EYS: variants seen among roughly 807,000 people sequenced by gnomAD.
The protein encoded by EYS is protein eyes shut homolog.
In EYS, 250 loss-of-function variants were observed where a neutral mutation model predicts 282.1. That is an observed-to-expected ratio of 0.89 (90% CI 0.80 to 0.98). The LOEUF (loss-of-function observed/expected upper bound fraction) is 0.98, where lower values mean the gene tolerates loss of function less well. Ranked by LOEUF, EYS falls within the 50% of genes least tolerant of loss-of-function variation. The pLI, the probability that EYS is intolerant of heterozygous loss-of-function variation, is 0.00. For missense variants in EYS, 4,016 were observed against 3,709.0 expected (o/e 1.08, Z -2.15); for synonymous variants, 1,355 against 1,282.9 (o/e 1.06, Z -1.20).
intron 12 of EYS, among the ~76,000 whole-genome samples, chr6:65,120,611 G>T (rs748125639): frequency 2.6e-4 from 40 of 152,116 alleles, no homozygotes; most frequent in African/African-American, 6.3e-4. Flanking sequence ...GAATAGACAA[G>T]ATTCTGCACT....
intron 5 of EYS, among the ~76,000 whole-genome samples, chr6:65,434,322 ATT>A (rs369477528): frequency 4.1e-5 from 6 of 144,592 alleles, no homozygotes; most frequent in Admixed American, 6.9e-5. Context: ...GGTTTGCATA[ATT>A]TTTTTTTTTT....
intron 35 of EYS, among the ~76,000 whole-genome samples, chr6:63,968,577 G>A (rs1050380085): frequency 9.9e-5 from 15 of 152,180 alleles, no homozygotes; most frequent in Non-Finnish European, 1.9e-4. Context: ...TCATACCTAT[G>A]TGGTACAATT....
chr6:64,534,702 T>C (rs1009952816), intron 26 of EYS, among the ~76,000 whole-genome samples: 9 of 152,306 alleles, frequency 5.9e-5, no homozygotes, highest in African/African-American at 2.2e-4. Flanking sequence ...TCCAATTAAT[T>C]ATTTTGCAAC....
chr6:64,999,497 C>G (rs181585488), intron 13 of EYS, among the ~76,000 whole-genome samples: 1 of 152,088 alleles, frequency 6.6e-6, no homozygotes, highest in Non-Finnish European at 1.5e-5. Flanking sequence ...GGGCGTGGTC[C>G]CTGGCTAGGG....
At chr6:65,451,075 GTGT>G (rs1764378420) in intron 5 of EYS, among the ~76,000 whole-genome samples, 1 of 151,730 alleles carries the variant, frequency 6.6e-6, no homozygotes, top group Non-Finnish European at 1.5e-5. Context: ...ACTGGTATTA[GTGT>G]TGTTATCACT....
At chr6:65,288,806 A>T (rs1299533082) in intron 12 of EYS, among the ~76,000 whole-genome samples, 2 of 151,162 alleles carry the variant, frequency 1.3e-5, no homozygotes, top group African/African-American at 4.8e-5. Flanking sequence ...AGGGGATTAA[A>T]TGTGGTTAAA....
chr6:65,046,283 C>A (rs1388590153), intron 13 of EYS, among the ~76,000 whole-genome samples: 1 of 151,862 alleles, frequency 6.6e-6, no homozygotes, highest in Admixed American at 6.6e-5. Context: ...TAATGGAAGA[C>A]TCTTCCAGGG....
At chr6:63,988,072 G>A (rs890195183) in intron 34 of EYS, among the ~76,000 whole-genome samples, 1 of 151,464 alleles carries the variant, frequency 6.6e-6, no homozygotes, top group African/African-American at 2.4e-5. Context: ...TGTATGTTAT[G>A]GTGGAAGCTA....
intron 31 of EYS, among the ~76,000 whole-genome samples, chr6:64,124,679 G>C (rs1326285900): frequency 6.6e-6 from 1 of 152,084 alleles, no homozygotes; most frequent in East Asian, 1.9e-4. Flanking sequence ...TCGTGTGTTA[G>C]GTATTTCTAG....
At chr6:65,574,574 A>C (rs541216233) in intron 2 of EYS, among the ~76,000 whole-genome samples, 103 of 152,338 alleles carry the variant, frequency 6.8e-4, no homozygotes, top group African/African-American at 2.4e-3. Context: ...ATTAATCAAG[A>C]TGTAATGATT....
intron 7 of EYS, 118 bp downstream of exon 7, chr6:65,402,360 A>T (rs1249861623): frequency 1.5e-6 from 1 of 647,628 alleles, no homozygotes; most frequent in Non-Finnish European, 2.6e-6. Context: ...TTCAAATAGA[A>T]TATTATATAC....
rs542713710 is a variant in EYS at position 64,279,685 on chromosome 6, C to T, written c.6191+27285G>A. Among the ~76,000 whole-genome samples the T allele has an allele frequency of 3.3e-5, 5 of 152,266 alleles. No individual in the cohort carries two copies. In the South Asian group the frequency reaches 8.3e-4, roughly 25 times the overall value. ...TTATCCTTAGGCGGAGGAATACTAA[C>T]GAGAAGTATTTATGTCCTGTAGTAT... On this transcript the variant is annotated intron_variant, in intron 30 of 42. Transcript: ENST00000503581.
At chr6:64,890,047 C>CG (rs1491041225) in intron 18 of EYS, among the ~76,000 whole-genome samples, 2 of 17,664 alleles carry the variant, frequency 1.1e-4, no homozygotes, top group Non-Finnish European at 3.2e-4. Flanking sequence ...CTATAAATGC[C>CG]CCCCCCCCCC....
At chr6:65,535,722 T>C (rs1349855826) in intron 2 of EYS, among the ~76,000 whole-genome samples, 1 of 152,156 alleles carries the variant, frequency 6.6e-6, no homozygotes, top group Non-Finnish European at 1.5e-5. Flanking sequence ...AACTTTTTGT[T>C]CTATTCATGC....
At chr6:64,975,232 G>A (rs1003590846) in intron 14 of EYS, among the ~76,000 whole-genome samples, 2 of 151,512 alleles carry the variant, frequency 1.3e-5, no homozygotes, top group African/African-American at 2.4e-5. Flanking sequence ...ATATAAAAAC[G>A]ATAATTTTGT....
intron 30 of EYS, among the ~76,000 whole-genome samples, chr6:64,252,034 A>G (rs1209697886): frequency 6.6e-6 from 1 of 152,180 alleles, no homozygotes; most frequent in East Asian, 1.9e-4. Context: ...AATACATTTT[A>G]GAGGATGGAT....
chr6:64,181,190 A>C (rs1764777999), intron 31 of EYS, among the ~76,000 whole-genome samples: 1 of 152,210 alleles, frequency 6.6e-6, no homozygotes, highest in Non-Finnish European at 1.5e-5. Flanking sequence ...AATTGACCAT[A>C]ATCAAAGACT....
intron 12 of EYS, among the ~76,000 whole-genome samples, chr6:65,141,786 A>G (rs1764352573): frequency 6.6e-6 from 1 of 152,038 alleles, no homozygotes; most frequent in Admixed American, 6.6e-5. Context: ...GTGAAGTGGC[A>G]CAAAATTTTC....
chr6:64,689,085 C>T (rs1388464716), intron 22 of EYS, among the ~76,000 whole-genome samples: 3 of 152,008 alleles, frequency 2.0e-5, no homozygotes, highest in African/African-American at 7.3e-5. Context: ...TCGTCTCAGC[C>T]CAAAATCTAC....
Sources: allele counts gnomAD v4.1 joint callset (sites outside exome capture counted in the v4.1 genomes callset), GRCh38; gene constraint gnomAD v4.1.1; transcripts MANE v1.5; gene names NCBI Gene and HGNC (gene_info 2026-07-23, HGNC 2026-07-21).